Variants in IFTAP observed in about 807,000 individuals in gnomAD.
IFTAP encodes the protein intraflagellar transport-associated protein.
IFTAP carries 19 observed loss-of-function variants against 19.4 expected under a neutral mutation model. The observed-to-expected ratio is 0.98, with a 90% CI of 0.68 to 1.44. The LOEUF is 1.44. Ranked by LOEUF, IFTAP falls within the 40% of genes most tolerant of loss-of-function variation. The pLI is 0.00. For missense variants in IFTAP, 240 were observed against 253.6 expected, an observed-to-expected ratio of 0.95 and a Z score of 0.36; for synonymous variants, 85 against 83.5, an observed-to-expected ratio of 1.02 and a Z score of -0.10.
At chr11:36,603,752 TCTCTA>T (rs1851590826) in intron 1 of IFTAP, among the ~76,000 whole-genome samples, 1 of 152,048 alleles carries the variant, frequency 6.6e-6, no homozygotes, top group Non-Finnish European at 1.5e-5. Context: ...TGAAACCCTG[TCTCTA>T]CTCAGAATAC....
chr11:36,625,462 G>C (rs1211398152), intron 2 of IFTAP, among the ~76,000 whole-genome samples: 1 of 152,072 alleles, frequency 6.6e-6, no homozygotes, highest in Non-Finnish European at 1.5e-5. Flanking sequence ...ATTATATTAT[G>C]AACACCTCAT....
intron 5 of IFTAP, among the ~76,000 whole-genome samples, chr11:36,649,862 A>G (rs1048083383): frequency 6.6e-6 from 1 of 152,092 alleles, no homozygotes; most frequent in African/African-American, 2.4e-5. Flanking sequence ...ACTTTTCACA[A>G]CCGTCTAGAA....
intron 4 of IFTAP, among the ~76,000 whole-genome samples, chr11:36,642,165 T>TA (rs1853239519): frequency 6.6e-6 from 1 of 152,028 alleles, no homozygotes; most frequent in Non-Finnish European, 1.5e-5. Flanking sequence ...TAAAAAATGA[T>TA]AAAGGGGATA....
rs529362474 is a variant in IFTAP, at chr11:36,596,936, C to T, written c.-24+2344C>T. Among the ~76,000 whole-genome samples, 12 of 152,254 alleles carry T rather than the reference C, an allele frequency of 7.9e-5. No individual in the cohort carries two copies. The East Asian group carries it at 1.9e-3, about 25-fold the overall frequency. ...GGATTGTCCATTTTTGTAGCTTAGTCTAGGCCCCTAAAGATTTTTGAAACA... is the reference window on the plus strand; with the variant it reads ...GGATTGTCCATTTTTGTAGCTTAGTTTAGGCCCCTAAAGATTTTTGAAACA... On this transcript the variant is annotated intron_variant, in intron 1 of 5. Coordinates refer to ENST00000334307, the MANE Select transcript of IFTAP (RefSeq NM_138787.4).
intron 4 of IFTAP, among the ~76,000 whole-genome samples, chr11:36,643,112 T>A (rs919570322): frequency 6.6e-6 from 1 of 152,204 alleles, no homozygotes; most frequent in African/African-American, 2.4e-5. Context: ...GAAAACCCCA[T>A]CATCTCAGCC....
At chr11:36,637,652 G>A (rs535492015) in intron 4 of IFTAP, among the ~76,000 whole-genome samples, 4 of 152,238 alleles carry the variant, frequency 2.6e-5, no homozygotes, top group South Asian at 2.1e-4. Context: ...CATTTTAACC[G>A]ACACCCCCAA....
chr11:36,615,022 AG>A (rs1331116875), intron 2 of IFTAP, among the ~76,000 whole-genome samples: 2 of 138,632 alleles, frequency 1.4e-5, no homozygotes, highest in Non-Finnish European at 3.1e-5. Flanking sequence ...GGTAATGCCT[AG>A]GTTTTCTTCT....
At chr11:36,628,336 T>G (rs575391228) in intron 2 of IFTAP, among the ~76,000 whole-genome samples, 1 of 151,456 alleles carries the variant, frequency 6.6e-6, no homozygotes, top group South Asian at 2.1e-4. Flanking sequence ...TAAAATGACC[T>G]CTTCACAGTG....
chr11:36,642,674 T>C (rs1853275175), intron 4 of IFTAP, among the ~76,000 whole-genome samples: 3 of 152,188 alleles, frequency 2.0e-5, no homozygotes, highest in Admixed American at 2.0e-4. Flanking sequence ...CAAGTGGGCT[T>C]CATCCCTGGG....
intron 2 of IFTAP, among the ~76,000 whole-genome samples, chr11:36,619,258 C>T (rs984976072): frequency 6.6e-6 from 1 of 151,954 alleles, no homozygotes; most frequent in African/African-American, 2.4e-5. Context: ...TTGACAGCTT[C>T]TAAAAAATGT....
intron 4 of IFTAP, among the ~76,000 whole-genome samples, chr11:36,646,763 A>C (rs1222883270): frequency 6.6e-6 from 1 of 152,160 alleles, no homozygotes; most frequent in Non-Finnish European, 1.5e-5. Flanking sequence ...TGTCTGTAAA[A>C]TGGGAAATAA....
intron 2 of IFTAP, among the ~76,000 whole-genome samples, chr11:36,627,494 A>G (rs1852559201): frequency 6.6e-6 from 1 of 151,150 alleles, no homozygotes. Flanking sequence ...TGTAAATATT[A>G]CCTATTAAGA....
At chr11:36,653,787 A>AT (rs1853845267) in intron 5 of IFTAP, among the ~76,000 whole-genome samples, 1 of 152,182 alleles carries the variant, frequency 6.6e-6, no homozygotes, top group Non-Finnish European at 1.5e-5. Flanking sequence ...TGTAATTAAC[A>AT]TGCAAAGTCA....
At chr11:36,633,799 A>G (rs1212958996) in intron 3 of IFTAP, among the ~76,000 whole-genome samples, 1 of 152,094 alleles carries the variant, frequency 6.6e-6, no homozygotes, top group African/African-American at 2.4e-5. Context: ...TCCTAGATTC[A>G]TCTCTTTCAA....
chr11:36,633,157 G>T, intron 2 of IFTAP, 127 bp from the exon 3 acceptor site: 1 of 791,710 alleles, frequency 1.3e-6, no homozygotes, highest in South Asian at 3.2e-5. Flanking sequence ...AATGCCTCAA[G>T]GGTTCGGTTT....
rs539943953 is a variant in IFTAP, at chr11:36,624,167, AC to A, written c.137-9116del. On this transcript the variant is annotated intron_variant, in intron 2 of 5. Transcript: ENST00000334307. ...AGTTTTTAGTTTTTTTGTTCATAGT[AC>A]AAAAATTAGAAAATACTCAGAGGTA... 4.0e-4 allele frequency among the ~76,000 whole-genome samples: 61 copies of A among 152,158 alleles called. No homozygotes were observed. In the East Asian group the frequency reaches 9.9e-3, roughly 25 times the overall value.
chr11:36,646,936 A>G (rs1853511909), intron 4 of IFTAP, among the ~76,000 whole-genome samples: 1 of 152,118 alleles, frequency 6.6e-6, no homozygotes, highest in African/African-American at 2.4e-5. Context: ...TCCCCTCCAC[A>G]ATTCTGTTTC....
intron 2 of IFTAP, among the ~76,000 whole-genome samples, chr11:36,626,715 A>C (rs1312781291): frequency 1.3e-5 from 2 of 151,260 alleles, no homozygotes; most frequent in African/African-American, 2.5e-5. Context: ...ATAGAGAGTG[A>C]CCTGATCCTA....
chr11:36,646,429 T>G (rs2133508036), intron 4 of IFTAP, among the ~76,000 whole-genome samples: 2 of 152,276 alleles, frequency 1.3e-5, no homozygotes, highest in Admixed American at 1.3e-4. Context: ...TTTGAACTCA[T>G]AAATAGGTGC....
Sources: gnomAD v4.1 joint callset for allele counts (sites outside exome capture counted in the v4.1 genomes callset) on GRCh38, gnomAD v4.1.1 for gene constraint, MANE v1.5 for transcripts, NCBI Gene and HGNC (gene_info 2026-07-23, HGNC 2026-07-21) for gene names.